NLGN4Y: variants seen among roughly 807,000 people sequenced by gnomAD.
NLGN4Y encodes the protein neuroligin 4 Y-linked.
In NLGN4Y, 4 loss-of-function variants were observed where a neutral mutation model predicts 8.4. That is an observed-to-expected ratio of 0.48 (90% CI 0.23 to 1.09). NLGN4Y has a LOEUF of 1.09. Among genes scored for constraint, NLGN4Y ranks in the 50% least tolerant of loss-of-function variants. The pLI is 0.19. For synonymous variants in NLGN4Y, 35 were observed against 75.6 expected, an observed-to-expected ratio of 0.46 and a Z score of 2.78; for missense variants, 90 against 192.3, an observed-to-expected ratio of 0.47 and a Z score of 3.15.
chrY:14,702,164 C>CT (rs2080850595), intron 2 of NLGN4Y, among the ~76,000 whole-genome samples: 1 of 32,088 alleles, frequency 3.1e-5, no homozygotes, highest in African/African-American at 1.2e-4. Context: ...CATAAATCTC[C>CT]TTTTTTTATT....
intron 4 of NLGN4Y, among the ~76,000 whole-genome samples, chrY:14,753,582 C>T (rs2081049014): frequency 3.3e-5 from 1 of 30,123 alleles, no homozygotes; most frequent in African/African-American, 1.3e-4. Context: ...TTTATATATA[C>T]ATAAAAGATA....
At chrY:14,576,246 GC>G (rs2080297761) in intron 1 of NLGN4Y, among the ~76,000 whole-genome samples, 3 of 33,634 alleles carry the variant, frequency 8.9e-5, no homozygotes, top group African/African-American at 3.5e-4. Flanking sequence ...CCCAGTTCGA[GC>G]TTTTTGGCTG....
chrY:14,709,863 C>T (rs748841649), intron 2 of NLGN4Y, among the ~76,000 whole-genome samples: 14 of 33,365 alleles, frequency 4.2e-4, no homozygotes, highest in Admixed American at 3.3e-3. Flanking sequence ...AACCTGTATA[C>T]TATACCACCC....
At chrY:14,577,820 C>G (rs2080303864) in intron 1 of NLGN4Y, among the ~76,000 whole-genome samples, 1 of 33,852 alleles carries the variant, frequency 3.0e-5, no homozygotes, top group Admixed American at 2.7e-4. Context: ...GATCGCCATT[C>G]TAACTGGCAT....
intron 2 of NLGN4Y, among the ~76,000 whole-genome samples, chrY:14,656,815 G>A: frequency 3.6e-5 from 1 of 28,001 alleles, no homozygotes; most frequent in Non-Finnish European, 8.3e-5. Context: ...CCCTTAGGAT[G>A]TTATAATTCT....
At chrY:14,664,827 C>CT (rs2080686896) in intron 2 of NLGN4Y, among the ~76,000 whole-genome samples, 1 of 33,674 alleles carries the variant, frequency 3.0e-5, no homozygotes, top group African/African-American at 1.2e-4. Flanking sequence ...TTAATAGATA[C>CT]TTTTTATCCA....
At chrY:14,641,652 A>C in intron 2 of NLGN4Y, among the ~76,000 whole-genome samples, 1 of 33,925 alleles carries the variant, frequency 2.9e-5, no homozygotes. Flanking sequence ...TATTCTGTAT[A>C]TATAAGCTGC....
At chrY:14,770,813 G>A (rs2081105555) in intron 4 of NLGN4Y, among the ~76,000 whole-genome samples, 1 of 33,032 alleles carries the variant, frequency 3.0e-5, no homozygotes. Flanking sequence ...TTGAAAAAAG[G>A]TTAGAGGAAT....
chrY:14,634,265 G>A, intron 2 of NLGN4Y, among the ~76,000 whole-genome samples: 1 of 33,376 alleles, frequency 3.0e-5, no homozygotes, highest in Non-Finnish European at 7.4e-5. Flanking sequence ...TCAATCTAAT[G>A]TTCTGTATTG....
intron 1 of NLGN4Y, among the ~76,000 whole-genome samples, chrY:14,611,775 C>T (rs2080470487): frequency 3.2e-5 from 1 of 31,102 alleles, no homozygotes; most frequent in African/African-American, 1.3e-4. Flanking sequence ...CTTGGAGTTG[C>T]TCTTCTCAAG....
At chrY:14,795,871 G>T (rs2043005995) in intron 4 of NLGN4Y, among the ~76,000 whole-genome samples, 1 of 32,842 alleles carries the variant, frequency 3.0e-5, no homozygotes, top group African/African-American at 1.2e-4. Context: ...CAACCATGTA[G>T]TATGTCATGG....
At chrY:14,673,363 G>A in intron 2 of NLGN4Y, among the ~76,000 whole-genome samples, 1 of 33,227 alleles carries the variant, frequency 3.0e-5, no homozygotes, top group African/African-American at 1.2e-4. Context: ...CAAAAAGTGG[G>A]TGAAGGACAT....
intron 6 of NLGN4Y, among the ~76,000 whole-genome samples, chrY:14,833,201 T>A: frequency 3.0e-5 from 1 of 33,883 alleles, no homozygotes; most frequent in Non-Finnish European, 7.3e-5. Flanking sequence ...ATCTCTCTTA[T>A]TCCCTGAACA....
intron 1 of NLGN4Y, among the ~76,000 whole-genome samples, chrY:14,577,568 A>G (rs947024758): frequency 9.8e-4 from 34 of 34,606 alleles, no homozygotes; most frequent in Admixed American, 3.1e-3. Context: ...GTTATTGTGT[A>G]ACAGTGCTGA....
At chrY:14,805,054 G>A in intron 4 of NLGN4Y, among the ~76,000 whole-genome samples, 2 of 33,242 alleles carry the variant, frequency 6.0e-5, no homozygotes, top group Admixed American at 5.5e-4. Context: ...GGATTCAATG[G>A]TTGTTCTGAC....
At chrY:14,536,599 TA>T (rs2080135857) in intron 1 of NLGN4Y, among the ~76,000 whole-genome samples, 2 of 32,873 alleles carry the variant, frequency 6.1e-5, no homozygotes, top group South Asian at 1.4e-3. Flanking sequence ...GCAGTATTGG[TA>T]AAAAGTTCAA....
chrY:14,715,566 T>C (rs1603503117), intron 2 of NLGN4Y, among the ~76,000 whole-genome samples: 1 of 32,292 alleles, frequency 3.1e-5, no homozygotes, highest in Non-Finnish European at 7.5e-5. Context: ...TTTTCACTCA[T>C]AAGTGGGAGT....
intron 4 of NLGN4Y, among the ~76,000 whole-genome samples, chrY:14,755,459 G>GT (rs2081053634): frequency 3.0e-5 from 1 of 33,401 alleles, no homozygotes; most frequent in East Asian, 7.8e-4. Context: ...CATGTTTTAT[G>GT]TATTTGTGTT....
At chrY:14,741,897 A>G in intron 4 of NLGN4Y, among the ~76,000 whole-genome samples, 1 of 34,168 alleles carries the variant, frequency 2.9e-5, no homozygotes, top group Admixed American at 2.7e-4. Context: ...CCAACAATTT[A>G]ACATGATACA....
Sources: gnomAD v4.1 joint callset for allele counts (sites outside exome capture counted in the v4.1 genomes callset) on GRCh38, gnomAD v4.1.1 for gene constraint, MANE v1.5 for transcripts, NCBI Gene and HGNC (gene_info 2026-07-23, HGNC 2026-07-21) for gene names.